Variants in TBC1D4 observed in about 807,000 individuals in gnomAD.
The protein encoded by TBC1D4 is TBC1 domain family member 4.
In TBC1D4, 121 loss-of-function variants were observed where a neutral mutation model predicts 142.5. The ratio of observed to expected loss-of-function variants is 0.85; its 90% CI spans 0.73 to 0.99. TBC1D4 has a LOEUF of 0.99. TBC1D4 is among the 50% of genes least tolerant of loss of function. The pLI is 0.00. For missense variants in TBC1D4, 1,475 were observed against 1,606.6 expected, an observed-to-expected ratio of 0.92 and a Z score of 1.40; for synonymous variants, 630 against 628.2, an observed-to-expected ratio of 1.00 and a Z score of -0.04.
chr13:75,372,402 T>C (rs768034585), intron 1 of TBC1D4, among the ~76,000 whole-genome samples: 3 of 152,144 alleles, frequency 2.0e-5, no homozygotes, highest in Non-Finnish European at 2.9e-5. Context: ...CCTGAGTAGC[T>C]GGAATTACAG....
intron 1 of TBC1D4, among the ~76,000 whole-genome samples, chr13:75,450,922 A>G (rs1170261230): frequency 7.2e-5 from 11 of 152,146 alleles, no homozygotes. Flanking sequence ...TCCCACCATG[A>G]ATAACAAAGA....
intron 1 of TBC1D4, among the ~76,000 whole-genome samples, chr13:75,474,523 C>T (rs1373551168): frequency 1.3e-5 from 2 of 152,172 alleles, no homozygotes; most frequent in South Asian, 2.1e-4. Flanking sequence ...TGCGCCACTG[C>T]ACTCCAGCCT....
At chr13:75,308,487 T>C (rs2137921131) in intron 14 of TBC1D4, among the ~76,000 whole-genome samples, 1 of 152,356 alleles carries the variant, frequency 6.6e-6, no homozygotes, top group East Asian at 1.9e-4. Flanking sequence ...TCACTACTTC[T>C]ACTGTAGAAT....
intron 1 of TBC1D4, among the ~76,000 whole-genome samples, chr13:75,461,003 T>C (rs1314004622): frequency 1.3e-5 from 2 of 152,308 alleles, no homozygotes; most frequent in African/African-American, 2.4e-5. Context: ...ACAATAATCT[T>C]ACAGACTGGA....
At chr13:75,320,745 C>A (rs959034375) in intron 11 of TBC1D4, among the ~76,000 whole-genome samples, 1 of 151,638 alleles carries the variant, frequency 6.6e-6, no homozygotes, top group Non-Finnish European at 1.5e-5. Context: ...TAATAGTAGG[C>A]TGGGCGCGGT....
intron 5 of TBC1D4, 27 bp downstream of exon 5, chr13:75,349,143 T>G: frequency 1.9e-6 from 3 of 1,613,898 alleles, no homozygotes; most frequent in Non-Finnish European, 2.5e-6. Context: ...CAAACTTCTC[T>G]TTTGCCAAAG....
At chr13:75,292,359 C>T in intron 18 of TBC1D4, 88 bp from the exon 19 acceptor site, 3 of 1,186,408 alleles carry the variant, frequency 2.5e-6, no homozygotes, top group South Asian at 1.4e-5. Context: ...TTTTTGTTTA[C>T]TTGTTTTATG....
At chr13:75,442,121 C>T (rs1264696312) in intron 1 of TBC1D4, among the ~76,000 whole-genome samples, 1 of 152,126 alleles carries the variant, frequency 6.6e-6, no homozygotes, top group Non-Finnish European at 1.5e-5. Context: ...TTTTAACCTC[C>T]TCAATAATAT....
intron 8 of TBC1D4, among the ~76,000 whole-genome samples, chr13:75,328,990 G>A (rs2138022449): frequency 6.6e-6 from 1 of 152,016 alleles, no homozygotes; most frequent in South Asian, 2.1e-4. Context: ...TGATATTTCT[G>A]GTATTCAGCT....
chr13:75,394,580 C>G (rs1225132091), intron 1 of TBC1D4, among the ~76,000 whole-genome samples: 2 of 143,038 alleles, frequency 1.4e-5, no homozygotes, highest in East Asian at 4.3e-4. Flanking sequence ...AAGCCAAATA[C>G]TTGCCAAAAT....
At chr13:75,366,110 C>T (rs1882893017) in intron 1 of TBC1D4, among the ~76,000 whole-genome samples, 1 of 152,174 alleles carries the variant, frequency 6.6e-6, no homozygotes, top group Admixed American at 6.5e-5. Context: ...TTCCGCTGCT[C>T]AGAATCTGCC....
chr13:75,359,994 C>T (rs1382065410), intron 2 of TBC1D4, 136 bp from the exon 3 acceptor site: 8 of 706,724 alleles, frequency 1.1e-5, no homozygotes. Flanking sequence ...GCTTAAACAT[C>T]TAATCCAACC....
At chr13:75,304,658 C>T (rs1876971850) in intron 15 of TBC1D4, among the ~76,000 whole-genome samples, 1 of 152,048 alleles carries the variant, frequency 6.6e-6, no homozygotes. Flanking sequence ...ATGCTCTGGG[C>T]TTAAAGCGCA....
At chr13:75,310,975 T>A (rs961456481) in intron 13 of TBC1D4, among the ~76,000 whole-genome samples, 1 of 152,196 alleles carries the variant, frequency 6.6e-6, no homozygotes, top group Admixed American at 6.5e-5. Context: ...CCAAAGGACA[T>A]GATTTCATTA....
chr13:75,474,224 C>A (rs1021257942), intron 1 of TBC1D4, among the ~76,000 whole-genome samples: 1 of 152,188 alleles, frequency 6.6e-6, no homozygotes, highest in Non-Finnish European at 1.5e-5. Context: ...ATAAGACCAA[C>A]AACTAAAAAC....
chr13:75,316,744 C>T (rs1003998973), intron 12 of TBC1D4, among the ~76,000 whole-genome samples: 2 of 152,170 alleles, frequency 1.3e-5, no homozygotes, highest in African/African-American at 4.8e-5. Flanking sequence ...ATTCCTATAA[C>T]CCAACTTGGA....
intron 20 of TBC1D4, 140 bp downstream of exon 20, chr13:75,288,794 A>T (rs1188638742): frequency 1.1e-6 from 1 of 871,460 alleles, no homozygotes; most frequent in Non-Finnish European, 1.8e-6. Context: ...TTGTAGCCCC[A>T]GAGCACTTGG....
intron 1 of TBC1D4, among the ~76,000 whole-genome samples, chr13:75,448,829 T>C (rs1019113618): frequency 1.3e-5 from 2 of 152,024 alleles, no homozygotes; most frequent in Non-Finnish European, 2.9e-5. Context: ...CCTAATATAC[T>C]TCCCCAGGTC....
chr13:75,469,902 G>A (rs897815832), intron 1 of TBC1D4, among the ~76,000 whole-genome samples: 1 of 152,190 alleles, frequency 6.6e-6, no homozygotes, highest in African/African-American at 2.4e-5. Context: ...ATATTCAAGT[G>A]CAGATGTCAA....
Sources: allele counts gnomAD v4.1 joint callset (sites outside exome capture counted in the v4.1 genomes callset), GRCh38; gene constraint gnomAD v4.1.1; transcripts MANE v1.5; gene names NCBI Gene and HGNC (gene_info 2026-07-23, HGNC 2026-07-21).